Variants in FAM161A observed in about 807,000 individuals in gnomAD.
The protein encoded by FAM161A is protein FAM161A.
A neutral mutation model predicts 70.9 loss-of-function variants in FAM161A; 57 were observed. The ratio of observed to expected loss-of-function variants is 0.80; its 90% CI spans 0.65 to 1.00. The LOEUF (loss-of-function observed/expected upper bound fraction) is 1.00. Among genes scored for constraint, FAM161A ranks in the 50% least tolerant of loss-of-function variants. The pLI is 0.00. For missense variants in FAM161A, 880 were observed against 836.0 expected (o/e 1.05, Z -0.65); for synonymous variants, 299 against 295.7 (o/e 1.01, Z -0.12).
At chr2:61,828,210 A>G (rs983075866) in intron 5 of FAM161A, among the ~76,000 whole-genome samples, 1 of 152,018 alleles carries the variant, frequency 6.6e-6, no homozygotes, top group African/African-American at 2.4e-5. Flanking sequence ...TGGTGGCCAC[A>G]TTAGATTGAT....
the FAM161A span, among the ~76,000 whole-genome samples, chr2:61,810,682 A>G: frequency 6.6e-6 from 1 of 150,724 alleles, no homozygotes; most frequent in Non-Finnish European, 1.5e-5. Flanking sequence ...CTTGTCTCGA[A>G]CTCCCGACCT....
chr2:61,819,226 A>G, the FAM161A span, among the ~76,000 whole-genome samples: 1 of 152,186 alleles, frequency 6.6e-6, no homozygotes, highest in Non-Finnish European at 1.5e-5. Flanking sequence ...TGGGGAGCTG[A>G]TCAAATGGGT....
At chr2:61,815,535 CTTTTTTTTTTTTTTTTTTTT>C in the FAM161A span, among the ~76,000 whole-genome samples, 15 of 53,212 alleles carry the variant, frequency 2.8e-4, no homozygotes, top group Non-Finnish European at 4.5e-4. Flanking sequence ...AAAGATGTGT[CTTTTTTTTTTTTTTTTTTTT>C]TTTTTTTTTT....
At chr2:61,831,776 T>C (rs1350963639) in intron 5 of FAM161A, among the ~76,000 whole-genome samples, 1 of 152,102 alleles carries the variant, frequency 6.6e-6, no homozygotes, top group Non-Finnish European at 1.5e-5. Context: ...TTCAGCAACC[T>C]CTCAAAAAAC....
chr2:61,837,603 T>C (rs1245508569), intron 4 of FAM161A, among the ~76,000 whole-genome samples: 1 of 152,062 alleles, frequency 6.6e-6, no homozygotes, highest in Non-Finnish European at 1.5e-5. Flanking sequence ...ACCTCATCTC[T>C]ACCAAAAATA....
intron 5 of FAM161A, among the ~76,000 whole-genome samples, chr2:61,833,987 T>C (rs967581440): frequency 1.1e-4 from 17 of 152,222 alleles, no homozygotes; most frequent in African/African-American, 3.9e-4. Flanking sequence ...ATTGTACTAC[T>C]GCACTGGCCT....
intron 1 of FAM161A, among the ~76,000 whole-genome samples, chr2:61,849,377 T>C (rs1385368611): frequency 6.6e-6 from 1 of 151,268 alleles, no homozygotes. Flanking sequence ...TGGTGGCATA[T>C]ACTTCTAACC....
chr2:61,814,380 G>A, the FAM161A span, among the ~76,000 whole-genome samples: 50 of 152,166 alleles, frequency 3.3e-4, no homozygotes, highest in African/African-American at 1.2e-3. Flanking sequence ...TCATATCACT[G>A]AAATGCTTGC....
intron 2 of FAM161A, among the ~76,000 whole-genome samples, chr2:61,841,282 T>C (rs1673011280): frequency 6.6e-6 from 1 of 152,156 alleles, no homozygotes; most frequent in Non-Finnish European, 1.5e-5. Context: ...CTTTTCAGTC[T>C]TACCCCTCAC....
chr2:61,840,976 G>A (rs1673001625), intron 2 of FAM161A, among the ~76,000 whole-genome samples: 1 of 152,146 alleles, frequency 6.6e-6, no homozygotes, highest in Non-Finnish European at 1.5e-5. Flanking sequence ...CTAAGATCAG[G>A]GTATAATCAG....
chr2:61,822,805 G>T (rs950713630), downstream of FAM161A, among the ~76,000 whole-genome samples: 5 of 151,808 alleles, frequency 3.3e-5, no homozygotes, highest in Non-Finnish European at 5.9e-5. Flanking sequence ...GGCCAGGCTG[G>T]TCTCAAACTC....
chr2:61,840,081 C>A lies in FAM161A; in HGVS notation c.923G>T (p.Arg308Met). 6.2e-7 allele frequency: 1 copy of A among 1,614,182 alleles called. No individual in the cohort carries two copies. The highest frequency in any genetic ancestry group is 8.5e-7 in the Non-Finnish European group (1 of 1,180,044). ...TTCTTTGCTTTTCTCCTTCAGAGAC[C>A]TTCTCCGTTCTTCTTTTTGCTTGAC... ...DLVKQKEERR[R>M]SLKEKSKEAL... is the part of the protein sequence containing the mutation. The change falls in exon 3 of 7, where the codon AGG becomes ATG. Residue 308 changes from arginine to methionine, a missense_variant. Arg to Met is a moderately conservative substitution (Grantham distance 91, BLOSUM62 -1). Coordinates refer to ENST00000404929, the MANE Select transcript of FAM161A (RefSeq NM_001201543.2).
chr2:61,831,592 A>G (rs1335738162), intron 5 of FAM161A, among the ~76,000 whole-genome samples: 1 of 152,222 alleles, frequency 6.6e-6, no homozygotes, highest in African/African-American at 2.4e-5. Context: ...AATATGATAG[A>G]TAAAAGAATC....
At chr2:61,837,273 A>T (rs978297244) in intron 4 of FAM161A, among the ~76,000 whole-genome samples, 1 of 152,216 alleles carries the variant, frequency 6.6e-6, no homozygotes, top group Non-Finnish European at 1.5e-5. Context: ...GGAATACAAC[A>T]TAAAGAGAAA....
At chr2:61,839,273 C>T (rs1313595610) in intron 3 of FAM161A, 148 bp downstream of exon 3, 2 of 691,938 alleles carry the variant, frequency 2.9e-6, no homozygotes, top group East Asian at 3.0e-5. Context: ...TACCCTCTGA[C>T]AAAATATCAT....
intron 5 of FAM161A, among the ~76,000 whole-genome samples, chr2:61,828,370 C>T (rs1672453187): frequency 1.3e-5 from 2 of 151,788 alleles, no homozygotes; most frequent in South Asian, 4.2e-4. Context: ...GCTCTGTCAC[C>T]CAGGCTGGAG....
chr2:61,803,210 C>A, the FAM161A span: 3 of 572,506 alleles, frequency 5.2e-6, no homozygotes, highest in Admixed American at 6.7e-5. Flanking sequence ...AAAAAACTAG[C>A]CAAAATGTAT....
chr2:61,828,466 C>T (rs1672456948), intron 5 of FAM161A, among the ~76,000 whole-genome samples: 1 of 152,012 alleles, frequency 6.6e-6, no homozygotes, highest in African/African-American at 2.4e-5. Context: ...GTAGCTGGGA[C>T]CATAGGCGCG....
chr2:61,800,520 C>T, the FAM161A span, among the ~76,000 whole-genome samples: 1 of 152,100 alleles, frequency 6.6e-6, no homozygotes, highest in African/African-American at 2.4e-5. Context: ...CATCAAGCAT[C>T]GTGTCCATGA....
Sources: allele counts gnomAD v4.1 joint callset (sites outside exome capture counted in the v4.1 genomes callset), GRCh38; gene constraint gnomAD v4.1.1; transcripts MANE v1.5; gene names NCBI Gene and HGNC (gene_info 2026-07-23, HGNC 2026-07-21).